The following GALM variants were observed in gnomAD, a reference collection of about 807,000 sequenced individuals.
GALM encodes galactose mutarotase.
A neutral mutation model predicts 37.4 loss-of-function variants in GALM; 43 were observed. The observed-to-expected ratio is 1.15, with a 90% CI of 0.90 to 1.48. The LOEUF (loss-of-function observed/expected upper bound fraction) is 1.48. Among genes scored for constraint, GALM ranks in the 40% most tolerant of loss-of-function variants. GALM has a pLI of 0.00. For missense variants in GALM, 456 were observed against 419.1 expected (o/e 1.09, Z -0.77); for synonymous variants, 199 against 170.6 (o/e 1.17, Z -1.30).
chr2:38,690,037 G>GT (rs1665635368), intron 4 of GALM, 143 bp downstream of exon 4: 2 of 582,778 alleles, frequency 3.4e-6, no homozygotes, highest in Non-Finnish European at 6.1e-6. Context: ...TAATTTCTTA[G>GT]TTTTGATATG....
intron 4 of GALM, among the ~76,000 whole-genome samples, chr2:38,696,914 C>T (rs572103133): frequency 5.3e-5 from 8 of 151,570 alleles, no homozygotes; most frequent in African/African-American, 1.9e-4. Flanking sequence ...CTCAGCCTCC[C>T]GAGTAACTAG....
chr2:38,720,848 G>C (rs1666363638), intron 4 of GALM, among the ~76,000 whole-genome samples: 1 of 152,162 alleles, frequency 6.6e-6, no homozygotes, highest in Non-Finnish European at 1.5e-5. Flanking sequence ...GGGCTCCAAG[G>C]GCAAATGTCT....
chr2:38,703,687 C>T (rs1665977373), intron 4 of GALM, among the ~76,000 whole-genome samples: 1 of 152,122 alleles, frequency 6.6e-6, no homozygotes, highest in Non-Finnish European at 1.5e-5. Flanking sequence ...GATGAAAGAA[C>T]TTCAAGGGGA....
intron 1 of GALM, among the ~76,000 whole-genome samples, chr2:38,675,378 G>A (rs1665217140): frequency 6.6e-6 from 1 of 151,936 alleles, no homozygotes; most frequent in Non-Finnish European, 1.5e-5. Flanking sequence ...ATTACTTTTG[G>A]AAAAGGAAAG....
At chr2:38,727,581 G>A (rs1349583881) in intron 4 of GALM, among the ~76,000 whole-genome samples, 1 of 151,984 alleles carries the variant, frequency 6.6e-6, no homozygotes, top group African/African-American at 2.4e-5. Flanking sequence ...ACAAAAATTA[G>A]CTGGGCATGA....
chr2:38,718,431 TC>T (rs1419181122), intron 4 of GALM, among the ~76,000 whole-genome samples: 2 of 151,680 alleles, frequency 1.3e-5, no homozygotes, highest in African/African-American at 4.8e-5. Flanking sequence ...ACTCCTGACC[TC>T]AGGTGATCTG....
chr2:38,718,935 C>CA (rs1343473654), intron 4 of GALM, among the ~76,000 whole-genome samples: 16 of 151,860 alleles, frequency 1.1e-4, no homozygotes, highest in African/African-American at 3.6e-4. Context: ...CCAAATATTA[C>CA]AAAAAAAGCT....
At chr2:38,689,999 A>G (rs1290850633) in intron 4 of GALM, 105 bp downstream of exon 4, 2 of 645,976 alleles carry the variant, frequency 3.1e-6, no homozygotes, top group Non-Finnish European at 5.5e-6. Flanking sequence ...TAAAGTCTAC[A>G]GTTTAGTTAA....
intron 4 of GALM, among the ~76,000 whole-genome samples, chr2:38,694,357 T>C (rs576465787): frequency 6.6e-6 from 1 of 152,298 alleles, no homozygotes; most frequent in African/African-American, 2.4e-5. Context: ...AATCCTCAGC[T>C]CTTTTGCCAC....
At chr2:38,731,981 C>A in intron 6 of GALM, 72 bp downstream of exon 6, 1 of 1,192,172 alleles carries the variant, frequency 8.4e-7, no homozygotes, top group Non-Finnish European at 1.2e-6. Context: ...GTTCACTACA[C>A]TCGAATCAGC....
chr2:38,695,616 T>A (rs899696063), intron 4 of GALM, among the ~76,000 whole-genome samples: 5 of 152,250 alleles, frequency 3.3e-5, no homozygotes, highest in Non-Finnish European at 5.9e-5. Flanking sequence ...TCAGTTATTT[T>A]GCTTACCATC....
chr2:38,712,569 C>A (rs1291788297), intron 4 of GALM, among the ~76,000 whole-genome samples: 1 of 152,146 alleles, frequency 6.6e-6, no homozygotes, highest in Non-Finnish European at 1.5e-5. Flanking sequence ...GTCTGCAGAA[C>A]ACACATCCCA....
At chr2:38,730,363 T>A (rs1181573961) in intron 5 of GALM, among the ~76,000 whole-genome samples, 3 of 152,030 alleles carry the variant, frequency 2.0e-5, no homozygotes, top group African/African-American at 7.2e-5. Flanking sequence ...GCCTCCCGGG[T>A]TCAAGTGATT....
chr2:38,698,886 C>T (rs549359437), intron 4 of GALM, among the ~76,000 whole-genome samples: 2 of 152,314 alleles, frequency 1.3e-5, no homozygotes, highest in South Asian at 2.1e-4. Context: ...GCTGGGATTA[C>T]AGGCATGAGC....
chr2:38,708,650 A>T (rs1262757384), intron 4 of GALM, among the ~76,000 whole-genome samples: 6 of 150,660 alleles, frequency 4.0e-5, no homozygotes, highest in Non-Finnish European at 8.8e-5. Flanking sequence ...AATGGCATGA[A>T]CCCGGGTAGG....
intron 1 of GALM, among the ~76,000 whole-genome samples, chr2:38,675,555 GTGTGTGTGTGTGTGTGT>G (rs1665238711): frequency 1.2e-5 from 1 of 83,694 alleles, no homozygotes; most frequent in Non-Finnish European, 2.2e-5. Context: ...GTGTGTGTGT[GTGTGTGTGTGTGTGTGT>G]GTGTGTGTGT....
chr2:38,669,896 T>C (rs1330252396), intron 1 of GALM, among the ~76,000 whole-genome samples: 2 of 81,180 alleles, frequency 2.5e-5, no homozygotes, highest in East Asian at 1.2e-3. Context: ...AAAGTTTTTC[T>C]TTTTTTTTTT....
At chr2:38,710,757 T>C (rs967021578) in intron 4 of GALM, among the ~76,000 whole-genome samples, 5 of 151,134 alleles carry the variant, frequency 3.3e-5, no homozygotes, top group South Asian at 2.1e-4. Context: ...TTCCTTCTTT[T>C]TTTTTTTTTT....
At chr2:38,674,864 T>C (rs1665203701) in intron 1 of GALM, among the ~76,000 whole-genome samples, 2 of 152,134 alleles carry the variant, frequency 1.3e-5, no homozygotes, top group South Asian at 4.1e-4. Context: ...GTGCATACAG[T>C]ACAATAAGAT....
Sources: allele counts gnomAD v4.1 joint callset (sites outside exome capture counted in the v4.1 genomes callset), GRCh38; gene constraint gnomAD v4.1.1; transcripts MANE v1.5; gene names NCBI Gene and HGNC (gene_info 2026-07-23, HGNC 2026-07-21).